EFHD1: variants seen among roughly 807,000 people sequenced by gnomAD.
EFHD1 encodes EF-hand domain-containing protein D1.
Under a neutral mutation model 17.2 loss-of-function variants are expected in EFHD1, and 10 were observed. That is an observed-to-expected ratio of 0.58 (90% CI 0.36 to 0.99). EFHD1 has a LOEUF of 0.99. Among genes scored for constraint, EFHD1 ranks in the 50% least tolerant of loss-of-function variants. EFHD1 has a pLI of 0.01. For synonymous variants in EFHD1, 153 were observed against 142.0 expected, an observed-to-expected ratio of 1.08 and a Z score of -0.55; for missense variants, 310 against 327.5, an observed-to-expected ratio of 0.95 and a Z score of 0.41.
At chr2:232,660,342 C>A (rs1243998562) in intron 1 of EFHD1, among the ~76,000 whole-genome samples, 1 of 151,836 alleles carries the variant, frequency 6.6e-6, no homozygotes, top group African/African-American at 2.4e-5. Flanking sequence ...CTACAGGTGC[C>A]TGCCACCACG....
chr2:232,649,634 A>G (rs1559348173), intron 1 of EFHD1, among the ~76,000 whole-genome samples: 1 of 152,112 alleles, frequency 6.6e-6, no homozygotes, highest in Non-Finnish European at 1.5e-5. Flanking sequence ...CTCCTCACCG[A>G]TAGCTTACCT....
chr2:232,667,487 G>A (rs1282417148), intron 2 of EFHD1, among the ~76,000 whole-genome samples: 1 of 152,054 alleles, frequency 6.6e-6, no homozygotes, highest in Non-Finnish European at 1.5e-5. Context: ...CCAGGCCACT[G>A]TGTCTCGTCC....
At chr2:232,669,623 CAG>C (rs1308405109) in intron 2 of EFHD1, among the ~76,000 whole-genome samples, 1 of 132,986 alleles carries the variant, frequency 7.5e-6, no homozygotes, top group Non-Finnish European at 1.6e-5. Context: ...TTTTTTTAGA[CAG>C]AGTCTTGCTC....
chr2:232,621,545 C>T (rs1300813650), intron 1 of EFHD1, among the ~76,000 whole-genome samples: 2 of 152,258 alleles, frequency 1.3e-5, no homozygotes, highest in East Asian at 1.9e-4. Flanking sequence ...CTCCACCTCC[C>T]GGGTTCAAGT....
At chr2:232,674,006 T>G (rs1695127076) in intron 3 of EFHD1, among the ~76,000 whole-genome samples, 1 of 151,688 alleles carries the variant, frequency 6.6e-6, no homozygotes, top group Non-Finnish European at 1.5e-5. Context: ...CCTCCCAGGT[T>G]CAAGCAATTC....
chr2:232,667,540 AATTTATTT>A (rs944462027), intron 2 of EFHD1, among the ~76,000 whole-genome samples: 4 of 150,384 alleles, frequency 2.7e-5, no homozygotes, highest in Admixed American at 1.3e-4. Context: ...TTAATTAATT[AATTTATTT>A]ATTTATTTAT....
chr2:232,677,243 T>TACACACACACACACACACACACACACAC (rs569120803), intron 3 of EFHD1, among the ~76,000 whole-genome samples: 68 of 99,258 alleles, frequency 6.9e-4, no homozygotes, highest in East Asian at 6.8e-3. Context: ...CACACACACG[T>TACACACACACACACACACACACACACAC]ACACACACAC....
intron 1 of EFHD1, among the ~76,000 whole-genome samples, chr2:232,635,814 G>A (rs1430107213): frequency 1.3e-5 from 2 of 149,334 alleles, no homozygotes; most frequent in Non-Finnish European, 3.0e-5. Flanking sequence ...GGGAGATTCT[G>A]TCTCAAGGGG....
chr2:232,652,887 A>T (rs1694685685), intron 1 of EFHD1, among the ~76,000 whole-genome samples: 1 of 152,152 alleles, frequency 6.6e-6, no homozygotes, highest in African/African-American at 2.4e-5. Flanking sequence ...AGAGAGAAAG[A>T]TAGGTTTCTG....
chr2:232,616,099 C>T (rs911384459), intron 1 of EFHD1, among the ~76,000 whole-genome samples: 1 of 152,160 alleles, frequency 6.6e-6, no homozygotes, highest in African/African-American at 2.4e-5. Flanking sequence ...GACTTACTCA[C>T]ACAGCCAAAA....
rs543961920 is a variant in EFHD1, at chr2:232,609,359, C to A, written c.14+3186C>A. ...TACAGGCATGAGCCACTGCACCCAGCCAAGATGCATGAGTTCTTAAAGTGA... is the reference window on the plus strand; with the variant it reads ...TACAGGCATGAGCCACTGCACCCAGACAAGATGCATGAGTTCTTAAAGTGA... On this transcript the variant is annotated intron_variant, in intron 1 of 3. Coordinates refer to the EFHD1 transcript ENST00000409613. Among the ~76,000 whole-genome samples, 3 of 152,252 alleles carry A rather than the reference C, an allele frequency of 2.0e-5. No individual in the cohort carries two copies. The East Asian group carries it at 5.8e-4, about 29-fold the overall frequency.
At position 232,668,028 on chromosome 2, in the gene EFHD1, G is replaced by C. The variant is rs1010581783; in HGVS notation, c.451-4281G>C. Among the ~76,000 whole-genome samples the C allele has an allele frequency of 2.6e-5, 4 of 152,204 alleles. No individual in the cohort carries two copies. In the East Asian group the frequency reaches 7.7e-4, roughly 29 times the overall value. On this transcript the variant is annotated intron_variant, in intron 2 of 3. Transcript: ENST00000264059. The stretch of plus-strand genomic sequence containing the variant: ...TGTATCAGAAGCATCCATAGCTTGC[G>C]TGTGAAAGGGCTTTTTAGCTTTGTT...
At position 232,655,510 on chromosome 2, in the gene EFHD1, G is replaced by A. The variant is rs73105480; in HGVS notation, c.303-7292G>A. Among the ~76,000 whole-genome samples the A allele has an allele frequency of 7.0e-3, 1,070 of 152,346 alleles. 14 individuals carry two copies. Among genetic ancestry groups the A allele is most frequent in the African/African-American group, 0.025 (1,025 of 41,584 alleles). ...CCTCTTGTAAGTTTTGGACACATAC[G>A]GAAGGCTCTGGAAAGTTCCACACTG... is the stretch of plus-strand genomic sequence containing the variant. On this transcript the variant is annotated intron_variant, in intron 1 of 3. Transcript: ENST00000264059.
intron 1 of EFHD1, among the ~76,000 whole-genome samples, chr2:232,635,163 G>A (rs1286803201): frequency 3.9e-5 from 6 of 152,246 alleles, no homozygotes; most frequent in Non-Finnish European, 8.8e-5. Context: ...GGAAGGCCCA[G>A]TGCGCTAAAG....
chr2:232,638,573 AGAAGCG>A (rs1485759785), intron 1 of EFHD1: 1 of 403,998 alleles, frequency 2.5e-6, no homozygotes, highest in African/African-American at 2.1e-5. Flanking sequence ...TAAAGGAGAG[AGAAGCG>A]GGTGTAGATT....
chr2:232,677,225 C>CACACACACACACACACACACGT, intron 3 of EFHD1, among the ~76,000 whole-genome samples: 1 of 139,906 alleles, frequency 7.1e-6, no homozygotes, highest in Non-Finnish European at 1.5e-5. Flanking sequence ...CACACACACA[C>CACACACACACACACACACACGT]ACACACACAC....
chr2:232,666,972 A>G (rs1250695511), intron 2 of EFHD1, among the ~76,000 whole-genome samples: 1 of 152,160 alleles, frequency 6.6e-6, no homozygotes, highest in Non-Finnish European at 1.5e-5. Flanking sequence ...GTGTCCTTAA[A>G]ATAGCTGTGT....
At chr2:232,663,065 T>C in intron 2 of EFHD1, 116 bp downstream of exon 2, 1 of 1,192,118 alleles carries the variant, frequency 8.4e-7, no homozygotes, top group Non-Finnish European at 1.1e-6. Context: ...TTTGCGTATC[T>C]AACCTGCAAT....
In EFHD1 at chr2:232,682,063, C is replaced by A; in HGVS notation, c.*344C>A. ...GCTATATCAATTTGTGTAGATATGTCTGTCTTTTTGGGTCCTCAGAGAAAA... is the reference window on the plus strand; with the variant it reads ...GCTATATCAATTTGTGTAGATATGTATGTCTTTTTGGGTCCTCAGAGAAAA... On this transcript the variant is annotated 3_prime_UTR_variant, in exon 4 of 4. Transcript: ENST00000264059. 1 of 192,944 alleles carries A rather than the reference C, an allele frequency of 5.2e-6. No homozygotes were observed. The allele number at this position is 192,944 out of a possible 1,614,324, so 12.0% of individuals were successfully genotyped here.
Sources: gnomAD v4.1 joint callset for allele counts (sites outside exome capture counted in the v4.1 genomes callset) on GRCh38, gnomAD v4.1.1 for gene constraint, MANE v1.5 for transcripts, NCBI Gene and HGNC (gene_info 2026-07-23, HGNC 2026-07-21) for gene names.